UBE3C: variants seen among roughly 807,000 people sequenced by gnomAD.
UBE3C encodes the protein ubiquitin-protein ligase E3C.
In UBE3C, 42 loss-of-function variants were observed where a neutral mutation model predicts 129.4. The ratio of observed to expected loss-of-function variants is 0.32; its 90% CI spans 0.25 to 0.42. The LOEUF is 0.42. UBE3C is among the 10% of genes least tolerant of loss of function. The pLI is 1.00. For missense variants in UBE3C, 1,049 were observed against 1,319.1 expected (o/e 0.80, Z 3.17); for synonymous variants, 510 against 492.4 (o/e 1.04, Z -0.47).
intron 18 of UBE3C, among the ~76,000 whole-genome samples, chr7:157,247,349 A>T (rs1461137758): frequency 6.6e-6 from 1 of 152,338 alleles, no homozygotes; most frequent in African/African-American, 2.4e-5. Flanking sequence ...GGCACCTAGT[A>T]CCTAGTAAGT....
intron 1 of UBE3C, among the ~76,000 whole-genome samples, chr7:157,162,860 A>G (rs1345091669): frequency 1.3e-5 from 2 of 152,236 alleles, no homozygotes; most frequent in Non-Finnish European, 2.9e-5. Flanking sequence ...CAAAAATAAA[A>G]TGTCCATACA....
chr7:157,143,426 A>T (rs534067471), intron 1 of UBE3C, among the ~76,000 whole-genome samples: 1 of 152,350 alleles, frequency 6.6e-6, no homozygotes, highest in East Asian at 1.9e-4. Flanking sequence ...CCCAGATAGC[A>T]GGTATCACCA....
intron 6 of UBE3C, 150 bp downstream of exon 6, chr7:157,178,997 AC>A: frequency 2.2e-6 from 2 of 914,120 alleles, no homozygotes; most frequent in Non-Finnish European, 3.1e-6. Context: ...ACAGGTGCCC[AC>A]CAGAGTCCCA....
intron 10 of UBE3C, chr7:157,197,533 A>G: frequency 6.7e-6 from 5 of 748,268 alleles, no homozygotes; most frequent in Middle Eastern, 6.7e-4. Context: ...TTAATGCTGG[A>G]GGTATTGTCC....
chr7:157,159,175 CT>C (rs947338535), intron 1 of UBE3C, among the ~76,000 whole-genome samples: 21 of 152,126 alleles, frequency 1.4e-4, no homozygotes, highest in African/African-American at 5.1e-4. Flanking sequence ...AGTGTCACAT[CT>C]TTGTGGAGTC....
intron 10 of UBE3C, among the ~76,000 whole-genome samples, chr7:157,201,135 C>T (rs1809267461): frequency 6.6e-6 from 1 of 151,716 alleles, no homozygotes; most frequent in Non-Finnish European, 1.5e-5. Flanking sequence ...ACCAGCCTGG[C>T]CAACGTTGTG....
intron 5 of UBE3C, among the ~76,000 whole-genome samples, chr7:157,178,112 T>A (rs1172973530): frequency 6.6e-6 from 1 of 152,084 alleles, no homozygotes; most frequent in Non-Finnish European, 1.5e-5. Context: ...GAGTGGCAGA[T>A]GTGCTCTGTG....
In UBE3C at chr7:157,201,637, C is replaced by CTTTT. The variant is rs10713758; in HGVS notation, c.1332-66_1332-63dup. On this transcript the variant is annotated intron_variant, in intron 10 of 22. Transcript: ENST00000348165. Reference sequence around the variant, plus strand: ...TTGTACGTTGATCTTCAGTGTATCGCTTTTTTTTTTTTTTTTTTTTTAAGA... The same window carrying CTTTT: ...TTGTACGTTGATCTTCAGTGTATCGCTTTTTTTTTTTTTTTTTTTTTTTTTAAGA... 4.5e-3 allele frequency: 999 copies of CTTTT among 222,940 alleles called. 57 individuals are homozygous for CTTTT. The highest frequency in any genetic ancestry group is 0.016 in the African/African-American group (298 of 18,928). 13.8% of individuals were successfully genotyped at this position (222,940 alleles called of 1,614,324 possible).
At chr7:157,198,214 T>A (rs1809178128) in intron 10 of UBE3C, 2 of 1,533,274 alleles carry the variant, frequency 1.3e-6, no homozygotes, top group Non-Finnish European at 1.8e-6. Flanking sequence ...TCAGACCGCT[T>A]ACAAAAGGAA....
chr7:157,246,813 C>T (rs1796488555), intron 18 of UBE3C, among the ~76,000 whole-genome samples: 1 of 152,160 alleles, frequency 6.6e-6, no homozygotes, highest in Non-Finnish European at 1.5e-5. Flanking sequence ...TCTCCACACC[C>T]CCGGGGGTAA....
chr7:157,233,535 C>G (rs1796078309), intron 18 of UBE3C, among the ~76,000 whole-genome samples: 1 of 152,126 alleles, frequency 6.6e-6, no homozygotes, highest in Non-Finnish European at 1.5e-5. Context: ...CTGCCTCAAC[C>G]TCTCAAAAGG....
chr7:157,240,954 T>G (rs1476458842), intron 18 of UBE3C, among the ~76,000 whole-genome samples: 1 of 152,104 alleles, frequency 6.6e-6, no homozygotes, highest in African/African-American at 2.4e-5. Context: ...GGAGCTAAAA[T>G]CTTGAATTAA....
chr7:157,236,283 T>C (rs1796150837), intron 18 of UBE3C, among the ~76,000 whole-genome samples: 1 of 152,240 alleles, frequency 6.6e-6, no homozygotes, highest in African/African-American at 2.4e-5. Context: ...TTAAGCCAAT[T>C]AAGTTCAGAA....
chr7:157,160,150 C>T (rs1808029671), intron 1 of UBE3C, among the ~76,000 whole-genome samples: 1 of 151,782 alleles, frequency 6.6e-6, no homozygotes, highest in African/African-American at 2.4e-5. Flanking sequence ...TTTCGGCTCA[C>T]TGCAACTTCT....
At chr7:157,163,424 G>C (rs1000749676) in intron 1 of UBE3C, among the ~76,000 whole-genome samples, 15 of 149,790 alleles carry the variant, frequency 1.0e-4, no homozygotes, top group South Asian at 4.2e-4. Flanking sequence ...ATGATACCCA[G>C]AGACCCCTGT....
intron 22 of UBE3C, among the ~76,000 whole-genome samples, chr7:157,266,030 T>G (rs928277494): frequency 1.3e-5 from 2 of 152,212 alleles, no homozygotes; most frequent in African/African-American, 4.8e-5. Flanking sequence ...ATAGGGGAAC[T>G]GGGGCCGGGC....
chr7:157,163,717 C>CT, intron 1 of UBE3C, 93 bp from the exon 2 acceptor site: 13 of 1,367,086 alleles, frequency 9.5e-6, no homozygotes, highest in Admixed American at 2.0e-5. Flanking sequence ...TCTTTAGGAT[C>CT]TTTTTTTGGG....
chr7:157,242,831 A>C (rs1239574910), intron 18 of UBE3C, among the ~76,000 whole-genome samples: 1 of 151,984 alleles, frequency 6.6e-6, no homozygotes, highest in Admixed American at 6.6e-5. Context: ...CCAAGGCGGG[A>C]GAATCACGAG....
intron 4 of UBE3C, among the ~76,000 whole-genome samples, chr7:157,173,163 C>T (rs1430191448): frequency 6.6e-6 from 1 of 152,148 alleles, no homozygotes; most frequent in Non-Finnish European, 1.5e-5. Flanking sequence ...CCCTTCAGGC[C>T]AGGAGTTTGA....
Sources: allele counts gnomAD v4.1 joint callset (sites outside exome capture counted in the v4.1 genomes callset), GRCh38; gene constraint gnomAD v4.1.1; transcripts MANE v1.5; gene names NCBI Gene and HGNC (gene_info 2026-07-23, HGNC 2026-07-21).